NCAM1: variants seen among roughly 807,000 people sequenced by gnomAD.
NCAM1 encodes the protein antigen recognized by monoclonal antibody 5.1H11.
In NCAM1, 14 loss-of-function variants were observed where a neutral mutation model predicts 109.8. That is an observed-to-expected ratio of 0.13 (90% CI 0.08 to 0.20). The LOEUF is 0.20. Ranked by LOEUF, NCAM1 falls within the 10% of genes least tolerant of loss-of-function variation. The pLI, the probability that NCAM1 is intolerant of heterozygous loss-of-function variation, is 1.00. For synonymous variants in NCAM1, 418 were observed against 442.9 expected (o/e 0.94, Z 0.70); for missense variants, 774 against 1,109.9 (o/e 0.70, Z 4.30).
rs782770659 is a variant in NCAM1 at position 113,274,289 on chromosome 11, T to C, written c.2457-978T>C. 6.6e-6 allele frequency among the ~76,000 whole-genome samples: 1 copy of C among 152,178 alleles called. No individual in the cohort carries two copies. The highest frequency in any genetic ancestry group is 2.4e-5 in the African/African-American group (1 of 41,454). On this transcript the variant is annotated intron_variant, in intron 19 of 19. Coordinates refer to ENST00000316851, the MANE Select transcript of NCAM1 (RefSeq NM_181351.5). This position sits in a 1 kb window ranked among gnomAD's most constrained non-coding sequence, Gnocchi z 4.1. ...AGCCCACTCTTGCTTCTCCTGCTCTTAGAGTGGCTGGGAAGACTCGGGGCT... is the reference window on the plus strand; with the variant it reads ...AGCCCACTCTTGCTTCTCCTGCTCTCAGAGTGGCTGGGAAGACTCGGGGCT...
intron 1 of NCAM1, among the ~76,000 whole-genome samples, chr11:112,965,805 C>G (rs1440972128): frequency 1.3e-5 from 2 of 152,190 alleles, no homozygotes; most frequent in Non-Finnish European, 2.9e-5. Context: ...TACAGACAGT[C>G]CTTTCTGACT....
chr11:113,205,545 G>T lies in NCAM1; in HGVS notation c.369G>T (p.Ala123=), dbSNP rs541244567. Residue 123 remains alanine, a synonymous_variant, in exon 4 of 20, where the codon GCG becomes GCT. Transcript: ENST00000316851. ...KIFQKLMFKN[A]PTPQEFREGE... is the part of the protein sequence containing the mutation. ...CAGAGAAGCTCATGTTCAAGAATGC[G>T]CCAACCCCACAGGAGTTCCGGGAGG... 6.2e-7 allele frequency: 1 copy of T among 1,612,732 alleles called. No individual in the cohort carries two copies. Among genetic ancestry groups the T allele is most frequent in the East Asian group, 2.2e-5 (1 of 44,758 alleles).
intron 1 of NCAM1, among the ~76,000 whole-genome samples, chr11:113,194,739 A>G (rs117048149): frequency 6.6e-6 from 1 of 152,148 alleles, no homozygotes; most frequent in Non-Finnish European, 1.5e-5. Context: ...GCCAGAAAAG[A>G]CTGCAGCTTT....
In NCAM1 at chr11:113,212,396, C is replaced by T. The variant is rs999431633; in HGVS notation, c.917-1973C>T. Among the ~76,000 whole-genome samples the T allele has an allele frequency of 3.9e-5, 6 of 152,306 alleles. No individual in the cohort carries two copies. In the South Asian group the frequency reaches 1.2e-3, roughly 32 times the overall value. On this transcript the variant is annotated intron_variant, in intron 7 of 19. Transcript: ENST00000316851. ...TCTAAGGAGTCACACAATGCACCTT[C>T]TGTAGCCATCTGGGAAATGGAGCCT...
intron 1 of NCAM1, among the ~76,000 whole-genome samples, chr11:113,044,536 T>A (rs1555080480): frequency 6.6e-6 from 1 of 151,758 alleles, no homozygotes; most frequent in Non-Finnish European, 1.5e-5. Context: ...AATACAAAAA[T>A]TTTCTGGGCA....
At chr11:113,030,879 A>G (rs1206637546) in intron 1 of NCAM1, among the ~76,000 whole-genome samples, 2 of 152,180 alleles carry the variant, frequency 1.3e-5, no homozygotes, top group African/African-American at 4.8e-5. Context: ...TAGATATTTC[A>G]AGGAAGTAAT....
intron 1 of NCAM1, among the ~76,000 whole-genome samples, chr11:113,013,198 G>A (rs1006096104): frequency 2.1e-5 from 3 of 145,820 alleles, no homozygotes; most frequent in South Asian, 2.2e-4. Flanking sequence ...AGGCTGAGGC[G>A]GGTGGATCAC....
intron 14 of NCAM1, among the ~76,000 whole-genome samples, chr11:113,245,267 C>T (rs1945468888): frequency 6.6e-6 from 1 of 152,040 alleles, no homozygotes; most frequent in Non-Finnish European, 1.5e-5. Flanking sequence ...AGGGCGAAAC[C>T]CCCATCTCTA....
intron 1 of NCAM1, among the ~76,000 whole-genome samples, chr11:113,067,130 G>T (rs1025929915): frequency 6.6e-6 from 1 of 152,100 alleles, no homozygotes; most frequent in African/African-American, 2.4e-5. Flanking sequence ...CACTACAGGA[G>T]AGGCTGTGTT....
intron 9 of NCAM1, among the ~76,000 whole-genome samples, chr11:113,229,770 T>C (rs1320745473): frequency 5.9e-5 from 9 of 152,190 alleles, no homozygotes; most frequent in African/African-American, 1.9e-4. Flanking sequence ...AGGATGAGTT[T>C]ATGTCCTTTG....
intron 7 of NCAM1, among the ~76,000 whole-genome samples, chr11:113,213,195 A>G (rs1944436204): frequency 6.6e-6 from 1 of 152,222 alleles, no homozygotes; most frequent in Non-Finnish European, 1.5e-5. Context: ...AAGCACATGT[A>G]GTCTTTCAAA....
intron 1 of NCAM1, among the ~76,000 whole-genome samples, chr11:113,024,800 A>G (rs1952488738): frequency 6.6e-6 from 1 of 152,162 alleles, no homozygotes; most frequent in African/African-American, 2.4e-5. Flanking sequence ...TTTTTTGTCT[A>G]AAAATGCACC....
intron 1 of NCAM1, among the ~76,000 whole-genome samples, chr11:113,101,541 T>A (rs1203593787): frequency 1.3e-5 from 2 of 152,054 alleles, no homozygotes; most frequent in African/African-American, 4.8e-5. Context: ...TTTCTCCTGT[T>A]TTTCCCCCAT....
chr11:113,218,650 G>T (rs1189027816), intron 8 of NCAM1, among the ~76,000 whole-genome samples: 2 of 152,160 alleles, frequency 1.3e-5, no homozygotes, highest in Non-Finnish European at 2.9e-5. Context: ...ATTGAGTCTA[G>T]TTACTCATTT....
chr11:113,246,669 C>T (rs1296255973), intron 15 of NCAM1, among the ~76,000 whole-genome samples: 1 of 152,220 alleles, frequency 6.6e-6, no homozygotes, highest in Non-Finnish European at 1.5e-5. Flanking sequence ...CCAGATGGTT[C>T]ATAAAAATTA....
At position 113,147,835 on chromosome 11, in the gene NCAM1, TATC is replaced by T. The variant is rs575758753; in HGVS notation, c.53-54540_53-54538del. On this transcript the variant is annotated intron_variant, in intron 1 of 19. Transcript: ENST00000316851. The stretch of plus-strand genomic sequence containing the variant: ...CAGTTTCATATAGTCAGACAAGTCT[TATC>T]ATCCACATTACGCCATGAAAAATGC... Among the ~76,000 whole-genome samples, 6 of 152,340 alleles carry T rather than the reference TATC, an allele frequency of 3.9e-5. No individual in the cohort carries two copies. The South Asian group carries it at 1.2e-3, about 32-fold the overall frequency.
At chr11:112,990,793 C>T (rs1951439860) in intron 1 of NCAM1, among the ~76,000 whole-genome samples, 1 of 152,138 alleles carries the variant, frequency 6.6e-6, no homozygotes, top group African/African-American at 2.4e-5. Flanking sequence ...GGAGCTAGGG[C>T]CATGGTAGGA....
intron 1 of NCAM1, among the ~76,000 whole-genome samples, chr11:113,192,072 G>T (rs1157528720): frequency 6.6e-6 from 1 of 152,214 alleles, no homozygotes. Flanking sequence ...CCAACTTCTT[G>T]CCATGTTGGC....
chr11:112,997,369 A>G, intron 1 of NCAM1, among the ~76,000 whole-genome samples: 1 of 152,202 alleles, frequency 6.6e-6, no homozygotes, highest in East Asian at 1.9e-4. Context: ...ATAGATTTAT[A>G]GGTGTTGTCA....
Sources: allele counts gnomAD v4.1 joint callset (sites outside exome capture counted in the v4.1 genomes callset), GRCh38; gene constraint gnomAD v4.1.1; non-coding constraint Gnocchi (gnomAD v3.1); transcripts MANE v1.5; gene names NCBI Gene and HGNC (gene_info 2026-07-23, HGNC 2026-07-21).